TBC1D5: variants seen among roughly 807,000 people sequenced by gnomAD.
The protein encoded by TBC1D5 is TBC1 domain family member 5.
Under a neutral mutation model 100.3 loss-of-function variants are expected in TBC1D5, and 75 were observed. The ratio of observed to expected loss-of-function variants is 0.75; its 90% confidence interval spans 0.62 to 0.91. The LOEUF (loss-of-function observed/expected upper bound fraction) is 0.91, where lower values mean the gene tolerates loss of function less well. Ranked by LOEUF, TBC1D5 falls within the 40% of genes least tolerant of loss-of-function variation. The pLI, the probability that TBC1D5 is intolerant of heterozygous loss-of-function variation, is 0.00. For synonymous variants in TBC1D5, 323 were observed against 325.6 expected (o/e 0.99, Z 0.09); for missense variants, 910 against 942.4 (o/e 0.97, Z 0.45).
chr3:17,237,183 A>T (rs1303258242), intron 17 of TBC1D5, among the ~76,000 whole-genome samples: 1 of 152,188 alleles, frequency 6.6e-6, no homozygotes, highest in Non-Finnish European at 1.5e-5. Flanking sequence ...CATGAATGAC[A>T]CTTGGGTCAG....
intron 18 of TBC1D5, among the ~76,000 whole-genome samples, chr3:17,193,200 A>C (rs2070193087): frequency 6.6e-6 from 1 of 152,218 alleles, no homozygotes; most frequent in African/African-American, 2.4e-5. Context: ...GTGCTGCTTC[A>C]GCTGGCTCTA....
intron 2 of TBC1D5, among the ~76,000 whole-genome samples, chr3:17,528,379 C>G (rs1681421450): frequency 6.6e-6 from 1 of 152,114 alleles, no homozygotes; most frequent in African/African-American, 2.4e-5. Flanking sequence ...TGTGAGGATA[C>G]AACATTAATC....
chr3:17,229,027 G>A lies in TBC1D5; in HGVS notation c.1588+9136C>T, dbSNP rs536150942. 9.2e-5 allele frequency among the ~76,000 whole-genome samples: 14 copies of A among 152,246 alleles called. No individual in the cohort carries two copies. In the South Asian group the frequency reaches 1.9e-3, roughly 20 times the overall value. ...ATTCGATAGGAAATAAGAAAAGGGGGTGGGCATTTTACTAAATAGACAGGC... is the reference window on the plus strand; with the variant it reads ...ATTCGATAGGAAATAAGAAAAGGGGATGGGCATTTTACTAAATAGACAGGC... On this transcript the variant is annotated intron_variant, in intron 17 of 21. Transcript: ENST00000253692.
chr3:17,619,775 A>G (rs1181311162), intron 2 of TBC1D5, among the ~76,000 whole-genome samples: 1 of 152,232 alleles, frequency 6.6e-6, no homozygotes, highest in Non-Finnish European at 1.5e-5. Context: ...AACATCAAAA[A>G]ACAGGTAACA....
At chr3:17,404,461 A>T (rs2093718821) in intron 7 of TBC1D5, among the ~76,000 whole-genome samples, 1 of 152,048 alleles carries the variant, frequency 6.6e-6, no homozygotes, top group South Asian at 2.1e-4. Context: ...TTCTTACAGA[A>T]TCCCGAGATT....
rs533711246 is a variant in TBC1D5, at chr3:17,256,995, G to C, written c.1331+1511C>G. Among the ~76,000 whole-genome samples, 8 of 152,268 alleles carry C rather than the reference G, an allele frequency of 5.3e-5. No homozygotes were observed. In the East Asian group the frequency reaches 1.5e-3, roughly 29 times the overall value. On this transcript the variant is annotated intron_variant, in intron 16 of 21. Transcript: ENST00000253692. The stretch of plus-strand genomic sequence containing the variant: ...AACAGAGAAGGCTGATGTGGCTGTA[G>C]CATGAGAATGAAGAGAAGGAGAGAG...
intron 18 of TBC1D5, among the ~76,000 whole-genome samples, chr3:17,195,100 T>C (rs1202278880): frequency 6.6e-6 from 1 of 152,206 alleles, no homozygotes; most frequent in Non-Finnish European, 1.5e-5. Context: ...ATATGGTATG[T>C]CTTCTTAGCC....
chr3:17,354,557 G>A (rs1019336033), intron 13 of TBC1D5, among the ~76,000 whole-genome samples: 4 of 151,950 alleles, frequency 2.6e-5, no homozygotes, highest in Admixed American at 6.6e-5. Context: ...AATTACCTCC[G>A]AGTTGGTATT....
chr3:17,706,941 T>C, intron 1 of TBC1D5, among the ~76,000 whole-genome samples: 1 of 150,356 alleles, frequency 6.7e-6, no homozygotes, highest in East Asian at 1.9e-4. Context: ...GTTATTATTT[T>C]TGCATTTAAA....
intron 13 of TBC1D5, among the ~76,000 whole-genome samples, chr3:17,351,943 C>A (rs1312883925): frequency 1.3e-5 from 2 of 149,882 alleles, no homozygotes; most frequent in Non-Finnish European, 1.5e-5. Flanking sequence ...TTTTTTCCCC[C>A]CAAAAAAACC....
At chr3:17,275,547 A>AAACCAACCAACC (rs960105290) in intron 15 of TBC1D5, among the ~76,000 whole-genome samples, 1 of 152,122 alleles carries the variant, frequency 6.6e-6, no homozygotes, top group African/African-American at 2.4e-5. Flanking sequence ...CTCTTTAAAC[A>AAACCAACCAACC]AACCAACCAA....
intron 2 of TBC1D5, among the ~76,000 whole-genome samples, chr3:17,511,263 T>C (rs1021328835): frequency 6.6e-6 from 1 of 152,062 alleles, no homozygotes; most frequent in East Asian, 1.9e-4. Flanking sequence ...ATTTATATTC[T>C]TCATATATTT....
intron 13 of TBC1D5, among the ~76,000 whole-genome samples, chr3:17,329,356 T>C (rs1483899987): frequency 6.6e-6 from 1 of 152,166 alleles, no homozygotes; most frequent in Non-Finnish European, 1.5e-5. Flanking sequence ...TACAAATAAA[T>C]AAGCTATGTA....
chr3:17,435,024 A>G (rs2094510356), intron 3 of TBC1D5, among the ~76,000 whole-genome samples: 1 of 152,160 alleles, frequency 6.6e-6, no homozygotes, highest in Non-Finnish European at 1.5e-5. Context: ...CAGTTCCCAA[A>G]AAGTTCCTCA....
intron 15 of TBC1D5, among the ~76,000 whole-genome samples, chr3:17,275,022 A>G (rs952967235): frequency 2.0e-5 from 3 of 152,162 alleles, no homozygotes; most frequent in Non-Finnish European, 4.4e-5. Context: ...TGAAAACTGA[A>G]CTCTTAATTT....
intron 3 of TBC1D5, among the ~76,000 whole-genome samples, chr3:17,451,024 C>T (rs1393864748): frequency 6.6e-6 from 1 of 152,144 alleles, no homozygotes; most frequent in African/African-American, 2.4e-5. Context: ...AGACTAACAG[C>T]GGATCTCTCA....
At chr3:17,651,822 G>C (rs1205759163) in intron 1 of TBC1D5, among the ~76,000 whole-genome samples, 1 of 152,068 alleles carries the variant, frequency 6.6e-6, no homozygotes, top group Non-Finnish European at 1.5e-5. Flanking sequence ...TTCTGTTCTA[G>C]AACTTAAAAC....
At chr3:17,479,218 A>G (rs2095472948) in intron 3 of TBC1D5, among the ~76,000 whole-genome samples, 1 of 152,156 alleles carries the variant, frequency 6.6e-6, no homozygotes, top group East Asian at 1.9e-4. Flanking sequence ...TGGGCAAAGT[A>G]CTGAGACCCT....
At chr3:17,185,088 G>A in intron 19 of TBC1D5, 21 bp downstream of exon 20, 1 of 1,606,598 alleles carries the variant, frequency 6.2e-7, no homozygotes, top group Non-Finnish European at 8.5e-7. Flanking sequence ...ATCGTTCCCA[G>A]GGCCAAAGTA....
Sources: gnomAD v4.1 joint callset for allele counts (sites outside exome capture counted in the v4.1 genomes callset) on GRCh38, gnomAD v4.1.1 for gene constraint, MANE v1.5 for transcripts, NCBI Gene and HGNC (gene_info 2026-07-23, HGNC 2026-07-21) for gene names.